The following APBA1 variants were observed in gnomAD, a reference collection of about 807,000 sequenced individuals.
APBA1 encodes amyloid beta precursor protein binding family A member 1.
A neutral mutation model predicts 86.6 loss-of-function variants in APBA1; 55 were observed. That is an observed-to-expected ratio of 0.64 (90% CI 0.51 to 0.80). The LOEUF (loss-of-function observed/expected upper bound fraction) is 0.80, where lower values mean the gene tolerates loss of function less well. APBA1 is among the 30% of genes least tolerant of loss of function. The probability of loss-of-function intolerance (pLI) is 0.00; values close to 1 mark genes in which losing one functional copy is unlikely to be tolerated. For synonymous variants in APBA1, 511 were observed against 493.9 expected, an observed-to-expected ratio of 1.03 and a Z score of -0.46; for missense variants, 1,090 against 1,183.0, an observed-to-expected ratio of 0.92 and a Z score of 1.15.
intron 2 of APBA1, among the ~76,000 whole-genome samples, chr9:69,497,183 T>G (rs1218718317): frequency 1.3e-5 from 2 of 152,022 alleles, no homozygotes; most frequent in Non-Finnish European, 2.9e-5. Context: ...ATCTTCTCCA[T>G]GACTCATCAA....
intron 1 of APBA1, among the ~76,000 whole-genome samples, chr9:69,622,056 AG>A (rs1454835760): frequency 6.6e-6 from 1 of 152,202 alleles, no homozygotes; most frequent in Non-Finnish European, 1.5e-5. Context: ...TCAACTGGGG[AG>A]CTTTCCAAAA....
intron 11 of APBA1, among the ~76,000 whole-genome samples, chr9:69,436,427 C>T (rs1834721396): frequency 1.3e-5 from 2 of 151,996 alleles, no homozygotes; most frequent in Admixed American, 6.6e-5. Flanking sequence ...AATGTTCTTC[C>T]ATTTCTTTGT....
intron 1 of APBA1, among the ~76,000 whole-genome samples, chr9:69,651,303 T>C (rs1184728401): frequency 6.6e-6 from 1 of 152,110 alleles, no homozygotes; most frequent in Non-Finnish European, 1.5e-5. Flanking sequence ...TCTCAGTGAG[T>C]GCTGGCAATG....
At chr9:69,437,238 C>A (rs1372472713) in intron 11 of APBA1, among the ~76,000 whole-genome samples, 2 of 151,574 alleles carry the variant, frequency 1.3e-5, no homozygotes, top group Non-Finnish European at 1.5e-5. Flanking sequence ...CTAAAATTAT[C>A]TTTTTTGGTT....
intron 1 of APBA1, among the ~76,000 whole-genome samples, chr9:69,661,103 T>C (rs1564105825): frequency 6.6e-6 from 1 of 152,238 alleles, no homozygotes; most frequent in African/African-American, 2.4e-5. Flanking sequence ...TTAGCATCCA[T>C]AAACAAACTT....
At chr9:69,506,165 T>C (rs1242455072) in intron 2 of APBA1, among the ~76,000 whole-genome samples, 1 of 151,494 alleles carries the variant, frequency 6.6e-6, no homozygotes, top group African/African-American at 2.4e-5. Context: ...ACTGGGTTCA[T>C]CTCACTAGGG....
chr9:69,497,790 A>C (rs1182543497), intron 2 of APBA1, among the ~76,000 whole-genome samples: 1 of 151,868 alleles, frequency 6.6e-6, no homozygotes, highest in Non-Finnish European at 1.5e-5. Context: ...CTTCCCTTTT[A>C]CGCCACTTTG....
At chr9:69,650,673 C>A (rs575429510) in intron 1 of APBA1, among the ~76,000 whole-genome samples, 1 of 152,294 alleles carries the variant, frequency 6.6e-6, no homozygotes, top group South Asian at 2.1e-4. Context: ...TGCCTCATTT[C>A]CCTTTGATAG....
chr9:69,519,043 T>C (rs1035248955), intron 1 of APBA1, among the ~76,000 whole-genome samples: 1 of 152,258 alleles, frequency 6.6e-6, no homozygotes, highest in African/African-American at 2.4e-5. Context: ...TAAGTCCCAC[T>C]TGATACAAAT....
chr9:69,656,481 T>C (rs1257082745), intron 1 of APBA1, among the ~76,000 whole-genome samples: 1 of 152,210 alleles, frequency 6.6e-6, no homozygotes, highest in Non-Finnish European at 1.5e-5. Context: ...ACATACTATA[T>C]GATTCCACGC....
At chr9:69,586,255 T>C (rs1036069595) in intron 1 of APBA1, among the ~76,000 whole-genome samples, 5 of 152,242 alleles carry the variant, frequency 3.3e-5, no homozygotes, top group Non-Finnish European at 5.9e-5. Flanking sequence ...TGGCATCTCC[T>C]TGCCCCTTAC....
chr9:69,472,503 T>C (rs1437566921), intron 3 of APBA1: 2 of 152,218 alleles, frequency 1.3e-5, no homozygotes, highest in East Asian at 3.8e-4. Context: ...GTAGAATTTG[T>C]AGCTAGTGTG....
At chr9:69,488,968 A>G (rs964004218) in intron 2 of APBA1, among the ~76,000 whole-genome samples, 2 of 152,108 alleles carry the variant, frequency 1.3e-5, no homozygotes, top group African/African-American at 4.8e-5. Flanking sequence ...CCACTGCTCA[A>G]TGAAATAAAA....
intron 4 of APBA1, among the ~76,000 whole-genome samples, chr9:69,470,979 C>T (rs887815342): frequency 3.3e-5 from 5 of 152,132 alleles, no homozygotes; most frequent in African/African-American, 9.7e-5. Flanking sequence ...ACAAAGACAC[C>T]GGTTTCCAGA....
intron 2 of APBA1, among the ~76,000 whole-genome samples, chr9:69,482,152 A>G (rs1397550511): frequency 6.6e-6 from 1 of 152,058 alleles, no homozygotes; most frequent in South Asian, 2.1e-4. Flanking sequence ...GCTTCTGCAC[A>G]GCAAAAGAAA....
intron 2 of APBA1, among the ~76,000 whole-genome samples, chr9:69,489,835 G>A (rs1446560261): frequency 6.6e-6 from 1 of 152,142 alleles, no homozygotes; most frequent in East Asian, 1.9e-4. Context: ...ACAGGTGCTA[G>A]AGAGGATGTG....
chr9:69,474,607 G>T (rs1181841438), intron 3 of APBA1, among the ~76,000 whole-genome samples: 1 of 152,136 alleles, frequency 6.6e-6, no homozygotes, highest in Non-Finnish European at 1.5e-5. Flanking sequence ...GGAACGGTGG[G>T]AACAGCAGAA....
intron 1 of APBA1, among the ~76,000 whole-genome samples, chr9:69,569,069 G>T (rs1156539726): frequency 6.6e-6 from 1 of 152,186 alleles, no homozygotes; most frequent in African/African-American, 2.4e-5. Context: ...ACAATTCCTT[G>T]TTGCAAGGCT....
chr9:69,639,950 T>G (rs1482639948), intron 1 of APBA1, among the ~76,000 whole-genome samples: 2 of 152,082 alleles, frequency 1.3e-5, no homozygotes, highest in African/African-American at 4.8e-5. Context: ...TCTACTAATT[T>G]ATATAAAACA....
Sources: allele counts gnomAD v4.1 joint callset (sites outside exome capture counted in the v4.1 genomes callset), GRCh38; gene constraint gnomAD v4.1.1; transcripts MANE v1.5; gene names NCBI Gene and HGNC (gene_info 2026-07-23, HGNC 2026-07-21).